The following PAPOLG variants were observed in gnomAD, a reference collection of about 807,000 sequenced individuals.
The protein encoded by PAPOLG is poly(A) polymerase gamma, also known as PAP-gamma.
A neutral mutation model predicts 99.0 loss-of-function variants in PAPOLG; 40 were observed. The ratio of observed to expected loss-of-function variants is 0.40; its 90% confidence interval spans 0.31 to 0.53. PAPOLG has a LOEUF of 0.53. Ranked by LOEUF, PAPOLG falls within the 20% of genes least tolerant of loss-of-function variation. The probability of loss-of-function intolerance (pLI) is 0.41; values close to 1 mark genes in which losing one functional copy is unlikely to be tolerated. For missense variants in PAPOLG, 675 were observed against 884.1 expected (o/e 0.76, Z 3.00); for synonymous variants, 310 against 299.3 (o/e 1.04, Z -0.37).
chr2:60,772,931 T>C (rs1040521085), intron 7 of PAPOLG, among the ~76,000 whole-genome samples: 1 of 152,182 alleles, frequency 6.6e-6, no homozygotes, highest in Non-Finnish European at 1.5e-5. Context: ...TTTTCTTTTC[T>C]TTTCTTTTTT....
At chr2:60,782,592 T>C (rs2103802707) in intron 11 of PAPOLG, 94 bp from the exon 12 acceptor site, 1 of 1,351,326 alleles carries the variant, frequency 7.4e-7, no homozygotes, top group South Asian at 1.5e-5. Context: ...CTGGTGGAGT[T>C]TGAGATTTTG....
chr2:60,762,714 C>T (rs1042333480), intron 3 of PAPOLG, among the ~76,000 whole-genome samples: 2 of 151,966 alleles, frequency 1.3e-5, no homozygotes, highest in African/African-American at 2.4e-5. Context: ...GCAACCTCCT[C>T]CTCCCAGATT....
intron 18 of PAPOLG, 73 bp from the exon 19 acceptor site, chr2:60,793,898 T>C: frequency 6.7e-7 from 1 of 1,487,082 alleles, no homozygotes; most frequent in South Asian, 1.2e-5. Context: ...GTGATGGGAA[T>C]GAGAGACCCT....
At chr2:60,782,856 C>T (rs1312651998) in intron 12 of PAPOLG, 86 bp downstream of exon 12, 4 of 1,389,770 alleles carry the variant, frequency 2.9e-6, no homozygotes, top group African/African-American at 3.1e-5. Flanking sequence ...TGGCAGGTGA[C>T]AGCTCTTTTA....
At chr2:60,789,223 T>G (rs1047294356) in intron 15 of PAPOLG, among the ~76,000 whole-genome samples, 1 of 152,066 alleles carries the variant, frequency 6.6e-6, no homozygotes, top group Non-Finnish European at 1.5e-5. Context: ...GTACACCTTA[T>G]GCTAAATGAC....
intron 15 of PAPOLG, 103 bp downstream of exon 15, chr2:60,787,723 G>C (rs1431353900): frequency 4.4e-5 from 62 of 1,420,102 alleles, no homozygotes; most frequent in Non-Finnish European, 1.5e-5. Context: ...TTCCACAATT[G>C]GTTAAGTGAA....
chr2:60,789,555 A>G (rs147564602), intron 15 of PAPOLG, among the ~76,000 whole-genome samples: 166 of 152,190 alleles, frequency 1.1e-3, no homozygotes, highest in African/African-American at 3.6e-3. Flanking sequence ...TGTTTTTGAT[A>G]TGAAATAAAT....
intron 2 of PAPOLG, among the ~76,000 whole-genome samples, chr2:60,761,514 G>A (rs554477226): frequency 2.0e-5 from 3 of 152,208 alleles, no homozygotes; most frequent in African/African-American, 7.2e-5. Flanking sequence ...TTTGAAAATA[G>A]CTCAAAAACT....
intron 12 of PAPOLG, among the ~76,000 whole-genome samples, 161 bp downstream of exon 12, chr2:60,782,931 G>A (rs1168510738): frequency 6.6e-6 from 1 of 151,902 alleles, no homozygotes; most frequent in Non-Finnish European, 1.5e-5. Context: ...CTTTATTCTG[G>A]TAGTATCTAA....
At position 60,756,359 on chromosome 2, in the gene PAPOLG, A is replaced by G; in HGVS notation, c.-120A>G. The stretch of plus-strand genomic sequence containing the variant: ...GGATGCCTCAGCCATAGTAAGTGGG[A>G]AAGTGAGCGAGCAAGCGAGCTACTA... On this transcript the variant is annotated 5_prime_UTR_variant, in exon 1 of 22. Coordinates refer to ENST00000238714, the MANE Select transcript of PAPOLG (RefSeq NM_022894.4). 7.7e-7 allele frequency: 1 copy of G among 1,297,318 alleles called. No homozygotes were observed. 80.4% of individuals were successfully genotyped at this position (1,297,318 alleles called of 1,614,324 possible).
chr2:60,760,038 G>C, intron 1 of PAPOLG, 96 bp from the exon 2 acceptor site: 1 of 1,251,522 alleles, frequency 8.0e-7, no homozygotes, highest in Non-Finnish European at 1.1e-6. Context: ...AACTTTTAAG[G>C]TAGCTAAATT....
intron 14 of PAPOLG, among the ~76,000 whole-genome samples, 166 bp downstream of exon 14, chr2:60,787,232 CT>C (rs1343850865): frequency 1.3e-5 from 2 of 152,260 alleles, no homozygotes; most frequent in East Asian, 3.9e-4. Flanking sequence ...TACATAACTA[CT>C]TTGGTAGCCC....
intron 3 of PAPOLG, among the ~76,000 whole-genome samples, chr2:60,764,989 CAAAA>C (rs1235206746): frequency 6.6e-6 from 1 of 151,506 alleles, no homozygotes; most frequent in Non-Finnish European, 1.5e-5. Context: ...GACAGGTAGT[CAAAA>C]AAAATAAAGT....
chr2:60,771,548 A>G lies in PAPOLG; in HGVS notation c.522A>G (p.Ile174Met). ...ATCTAGTCTTTGCAAGACTGGCAAT[A>G]CAAACCATATCAGATAATTTAGATC... ...EIDLVFARLA[I>M]QTISDNLDLR... The change falls in exon 7 of 22, where the codon ATA becomes ATG. Residue 174 changes from isoleucine to methionine, a missense_variant. By Grantham distance (10) the Ile-to-Met change is conservative. Transcript: ENST00000238714. The G allele has an allele frequency of 6.2e-7, 1 of 1,604,892 alleles. No homozygotes were observed. Among genetic ancestry groups the G allele is most frequent in the Non-Finnish European group, 8.5e-7 (1 of 1,177,646 alleles).
At chr2:60,759,951 C>A (rs1670474083) in intron 1 of PAPOLG, 183 bp from the exon 2 acceptor site, 1 of 175,872 alleles carries the variant, frequency 5.7e-6, no homozygotes, top group Non-Finnish European at 1.1e-5. Flanking sequence ...TATGAATAGC[C>A]CCTTCATAAA....
At position 60,795,081 on chromosome 2, in the gene PAPOLG, A is replaced by C. The variant is rs1573260879; in HGVS notation, c.2112+61A>C. Reference sequence around the variant, plus strand: ...AGGTAAAAACTCATAGGTAATCTACAAGTACAAAAGGCTTATTAAGAGCCT... The same window carrying C: ...AGGTAAAAACTCATAGGTAATCTACCAGTACAAAAGGCTTATTAAGAGCCT... On this transcript the variant is annotated intron_variant, in intron 21 of 21. Coordinates refer to ENST00000238714, the MANE Select transcript of PAPOLG (RefSeq NM_022894.4). 1.4e-5 allele frequency: 19 copies of C among 1,391,344 alleles called. No individual in the cohort carries two copies. In the South Asian group the frequency reaches 2.2e-4, roughly 16 times the overall value. 86.2% of individuals were successfully genotyped at this position (1,391,344 alleles called of 1,614,324 possible). A position where few individuals can be genotyped will look rare whatever the true frequency, so the allele number is the denominator to read the frequency against.
At chr2:60,756,646 G>C in intron 1 of PAPOLG, 151 bp downstream of exon 1, 1 of 856,850 alleles carries the variant, frequency 1.2e-6, no homozygotes, top group Non-Finnish European at 1.8e-6. Flanking sequence ...GTCCGCAAGG[G>C]CACCTCCCCT....
chr2:60,780,014 A>G (rs886569801), intron 9 of PAPOLG, among the ~76,000 whole-genome samples: 1 of 152,204 alleles, frequency 6.6e-6, no homozygotes, highest in South Asian at 2.1e-4. Context: ...TTGGCTTTGC[A>G]AATTACTAGT....
intron 8 of PAPOLG, 40 bp downstream of exon 8, chr2:60,775,163 C>G (rs1258434164): frequency 1.3e-6 from 2 of 1,571,876 alleles, no homozygotes; most frequent in African/African-American, 2.8e-5. Context: ...TTATAAAATT[C>G]TAATTTTCTC....
Sources: allele counts gnomAD v4.1 joint callset (sites outside exome capture counted in the v4.1 genomes callset), GRCh38; gene constraint gnomAD v4.1.1; transcripts MANE v1.5; gene names NCBI Gene and HGNC (gene_info 2026-07-23, HGNC 2026-07-21).